The following RAB3C variants were observed in gnomAD, a reference collection of about 807,000 sequenced individuals.
RAB3C encodes RAB3C, member RAS oncogene family, also known as ras-related protein Rab-3C.
In RAB3C, 17 loss-of-function variants were observed where a neutral mutation model predicts 26.4. The ratio of observed to expected loss-of-function variants is 0.64; its 90% CI spans 0.44 to 0.97. RAB3C has a LOEUF of 0.97. Ranked by LOEUF, RAB3C falls within the 50% of genes least tolerant of loss-of-function variation. The pLI is 0.00. For synonymous variants in RAB3C, 91 were observed against 95.9 expected, an observed-to-expected ratio of 0.95 and a Z score of 0.30; for missense variants, 242 against 281.9, an observed-to-expected ratio of 0.86 and a Z score of 1.01.
chr5:58,743,904 T>C (rs1254163118), intron 3 of RAB3C, among the ~76,000 whole-genome samples: 6 of 152,358 alleles, frequency 3.9e-5, no homozygotes, highest in African/African-American at 1.4e-4. Context: ...ATAGATCTTA[T>C]ATAGCTTCCT....
chr5:58,615,067 G>A (rs917597073), intron 1 of RAB3C, among the ~76,000 whole-genome samples: 3 of 152,080 alleles, frequency 2.0e-5, no homozygotes, highest in African/African-American at 4.8e-5. Flanking sequence ...GGGAGGTACT[G>A]GAATCAACCC....
intron 3 of RAB3C, among the ~76,000 whole-genome samples, chr5:58,744,402 A>G (rs1265878873): frequency 6.6e-6 from 1 of 152,244 alleles, no homozygotes; most frequent in Non-Finnish European, 1.5e-5. Flanking sequence ...AGGCTTCTGC[A>G]TGCCTGGGGT....
At chr5:58,596,064 A>G (rs757845471) in intron 1 of RAB3C, among the ~76,000 whole-genome samples, 2 of 151,982 alleles carry the variant, frequency 1.3e-5, no homozygotes, top group East Asian at 1.9e-4. Flanking sequence ...CTTTCAACCA[A>G]TTCTCTTGTT....
chr5:58,718,822 G>C (rs1381845934), intron 2 of RAB3C, among the ~76,000 whole-genome samples: 1 of 152,030 alleles, frequency 6.6e-6, no homozygotes, highest in Non-Finnish European at 1.5e-5. Flanking sequence ...GTTGGGAAAA[G>C]TGGTTTGTAA....
intron 2 of RAB3C, among the ~76,000 whole-genome samples, chr5:58,722,734 A>T (rs576796911): frequency 1.1e-4 from 16 of 151,992 alleles, no homozygotes; most frequent in African/African-American, 1.4e-4. Flanking sequence ...ATTAAATCCA[A>T]TGAATATACA....
intron 2 of RAB3C, among the ~76,000 whole-genome samples, chr5:58,670,909 G>A (rs981737136): frequency 1.1e-4 from 16 of 152,132 alleles, no homozygotes; most frequent in African/African-American, 3.9e-4. Context: ...TATGCAATGA[G>A]ATCTGTGAAA....
intron 2 of RAB3C, among the ~76,000 whole-genome samples, chr5:58,646,072 G>A (rs1747510018): frequency 1.3e-5 from 2 of 152,286 alleles, no homozygotes; most frequent in South Asian, 2.1e-4. Flanking sequence ...TTTCACAAAA[G>A]GAGCGAAGTC....
At chr5:58,670,979 G>A (rs1036437020) in intron 2 of RAB3C, among the ~76,000 whole-genome samples, 1 of 152,078 alleles carries the variant, frequency 6.6e-6, no homozygotes, top group Non-Finnish European at 1.5e-5. Flanking sequence ...TTGGAGTAGG[G>A]GATAACTGGA....
At chr5:58,822,891 A>G (rs187574158) in intron 3 of RAB3C, 3 of 639,252 alleles carry the variant, frequency 4.7e-6, no homozygotes, top group East Asian at 3.5e-5. Context: ...ATGACTGGAG[A>G]TTAATGTGAT....
chr5:58,602,093 A>AT (rs1015509378), intron 1 of RAB3C, among the ~76,000 whole-genome samples: 8 of 149,932 alleles, frequency 5.3e-5, no homozygotes, highest in East Asian at 1.9e-4. Flanking sequence ...TTCCATCCTG[A>AT]TTTTTTTTTG....
At chr5:58,676,786 T>G (rs1257478466) in intron 2 of RAB3C, among the ~76,000 whole-genome samples, 2 of 152,190 alleles carry the variant, frequency 1.3e-5, no homozygotes, top group South Asian at 2.1e-4. Flanking sequence ...TGTTTTACAT[T>G]GTTTTGTTTT....
chr5:58,797,535 G>A lies in RAB3C; in HGVS notation c.372-27503G>A, dbSNP rs369615357. Among the ~76,000 whole-genome samples, 474 of 151,700 alleles carry A rather than the reference G, an allele frequency of 3.1e-3. 1 individual carries two copies. Among genetic ancestry groups the A allele is most frequent in the Non-Finnish European group, 5.6e-3 (378 of 67,944 alleles). ...TTCTCAGCAACTGGAGCTGCCTCCC[G>A]TTGGAAAAGATAAACGTCCTCCTTC... On this transcript the variant is annotated intron_variant, in intron 3 of 4. Coordinates refer to ENST00000282878, the MANE Select transcript of RAB3C (RefSeq NM_138453.4).
At chr5:58,610,945 C>T (rs1022142246) in intron 1 of RAB3C, among the ~76,000 whole-genome samples, 1 of 151,996 alleles carries the variant, frequency 6.6e-6, no homozygotes, top group Admixed American at 6.6e-5. Flanking sequence ...TATTTTGTTC[C>T]CCTCTATGTG....
chr5:58,628,156 C>CAAAAAAA (rs58277302), intron 2 of RAB3C, among the ~76,000 whole-genome samples: 9 of 71,460 alleles, frequency 1.3e-4, no homozygotes, highest in Non-Finnish European at 1.5e-4. Flanking sequence ...GACTCCGTCT[C>CAAAAAAA]AAAAAAAAAA....
chr5:58,583,944 G>T (rs1745960617), intron 1 of RAB3C, among the ~76,000 whole-genome samples: 1 of 152,200 alleles, frequency 6.6e-6, no homozygotes. Context: ...CTCTGGTGCA[G>T]AAGTACCACT....
intron 2 of RAB3C, among the ~76,000 whole-genome samples, chr5:58,691,551 T>G (rs773883205): frequency 6.6e-6 from 1 of 151,764 alleles, no homozygotes; most frequent in Non-Finnish European, 1.5e-5. Flanking sequence ...GGAGAAAATG[T>G]GGGTAATTAC....
At chr5:58,693,482 C>T (rs1166983592) in intron 2 of RAB3C, among the ~76,000 whole-genome samples, 2 of 151,378 alleles carry the variant, frequency 1.3e-5, no homozygotes, top group African/African-American at 2.4e-5. Flanking sequence ...TTGTTTAATA[C>T]AAACCATCAG....
intron 3 of RAB3C, among the ~76,000 whole-genome samples, chr5:58,758,320 T>C (rs1188204880): frequency 2.6e-5 from 4 of 152,212 alleles, no homozygotes; most frequent in African/African-American, 9.6e-5. Flanking sequence ...TTTAATTAAA[T>C]GGTTTATTTA....
chr5:58,669,195 T>C (rs893567969), intron 2 of RAB3C, among the ~76,000 whole-genome samples: 2 of 152,108 alleles, frequency 1.3e-5, no homozygotes, highest in Non-Finnish European at 2.9e-5. Flanking sequence ...TTTTTTCATA[T>C]TCTAAGTCTC....
Sources: allele counts gnomAD v4.1 joint callset (sites outside exome capture counted in the v4.1 genomes callset), GRCh38; gene constraint gnomAD v4.1.1; transcripts MANE v1.5; gene names NCBI Gene and HGNC (gene_info 2026-07-23, HGNC 2026-07-21).